The following GABRA4 variants were observed in gnomAD, a reference collection of about 807,000 sequenced individuals.
GABRA4 encodes the protein gamma-aminobutyric acid type A receptor subunit alpha4.
In GABRA4, 12 loss-of-function variants were observed where a neutral mutation model predicts 49.7. The ratio of observed to expected loss-of-function variants is 0.24; its 90% CI spans 0.15 to 0.39. The LOEUF is 0.39. Ranked by LOEUF, GABRA4 falls within the 10% of genes least tolerant of loss-of-function variation. The pLI is 1.00. For missense variants in GABRA4, 506 were observed against 686.0 expected (o/e 0.74, Z 2.93); for synonymous variants, 288 against 240.2 (o/e 1.20, Z -1.84).
chr4:46,969,927 C>T (rs1722890230), intron 7 of GABRA4, among the ~76,000 whole-genome samples: 1 of 151,398 alleles, frequency 6.6e-6, no homozygotes, highest in Non-Finnish European at 1.5e-5. Context: ...CTCCTCACTG[C>T]TTTCCTAAGA....
intron 8 of GABRA4, among the ~76,000 whole-genome samples, chr4:46,930,492 A>T (rs1401611651): frequency 1.3e-5 from 2 of 152,068 alleles, no homozygotes; most frequent in African/African-American, 4.8e-5. Flanking sequence ...TGGCAAGGAA[A>T]CATACATACA....
rs1286210695 is a variant in GABRA4, at chr4:46,925,924, G to A, written c.*2301C>T. On this transcript the variant is annotated 3_prime_UTR_variant, in exon 9 of 9. Transcript: ENST00000264318. ...GTATTTTTAAACCTTCATATGTAAA[G>A]GTAAGAAAAAAAATCATTTCTTTTT... The A allele has an allele frequency of 6.6e-6, 1 of 150,990 alleles. No individual in the cohort carries two copies. The highest frequency in any genetic ancestry group is 2.4e-5 in the African/African-American group (1 of 41,194). 9.4% of individuals were successfully genotyped at this position (150,990 alleles called of 1,614,324 possible).
chr4:46,919,615 G>A lies in GABRA4; in HGVS notation c.*8610C>T, dbSNP rs552636563. ...TATTGTTTTTTTACTTCTATAATAA[G>A]GAATATTTTCAATTGTACAACTAAA... On this transcript the variant is annotated 3_prime_UTR_variant, in exon 9 of 9. Coordinates refer to ENST00000264318, the MANE Select transcript of GABRA4 (RefSeq NM_000809.4). 4 of 151,360 alleles carry A rather than the reference G, an allele frequency of 2.6e-5. No homozygotes were observed. The South Asian group carries it at 8.3e-4, about 32-fold the overall frequency. 9.4% of individuals were successfully genotyped at this position (151,360 alleles called of 1,614,324 possible).
chr4:46,946,161 C>A (rs933224517), intron 8 of GABRA4, among the ~76,000 whole-genome samples: 4 of 152,164 alleles, frequency 2.6e-5, no homozygotes, highest in African/African-American at 7.2e-5. Context: ...TATCATTCTC[C>A]TGCTGTGACC....
chr4:46,940,286 C>T (rs1375233757), intron 8 of GABRA4, among the ~76,000 whole-genome samples: 1 of 152,016 alleles, frequency 6.6e-6, no homozygotes, highest in Non-Finnish European at 1.5e-5. Flanking sequence ...TCCTTTGGTA[C>T]ATAGGATACT....
At position 46,929,446 on chromosome 4, in the gene GABRA4, C is replaced by G. The variant is rs116008237; in HGVS notation, c.1135-691G>C. On this transcript the variant is annotated intron_variant, in intron 8 of 8. Coordinates refer to ENST00000264318, the MANE Select transcript of GABRA4 (RefSeq NM_000809.4). ...TAGACTTATAAACAGCATCAACCAA[C>G]AGTTGCATAAATATCTGAATTCAAA... 5.9e-3 allele frequency among the ~76,000 whole-genome samples: 899 copies of G among 152,104 alleles called. 8 individuals carry two copies. Among genetic ancestry groups the G allele is most frequent in the Non-Finnish European group, 8.9e-3 (604 of 67,918 alleles).
In GABRA4 at chr4:46,928,519, A is replaced by C; in HGVS notation, c.1371T>G (p.Thr457=). The change falls in exon 9 of 9, where the codon ACT becomes ACG. Residue 457 remains threonine, a synonymous_variant. Coordinates refer to ENST00000264318, the MANE Select transcript of GABRA4 (RefSeq NM_000809.4). ...GAGGCATATATCCAGTTCGGATAGA[A>C]GTAGGAGAAGCAGATGGAAGTGCTC... The part of the protein sequence containing the change: ...AARALPSASP[T]SIRTGYMPRK... 6.2e-7 allele frequency: 1 copy of C among 1,613,678 alleles called. No individual in the cohort carries two copies. The highest frequency in any genetic ancestry group is 8.5e-7 in the Non-Finnish European group (1 of 1,179,736).
At chr4:46,950,960 C>G (rs1722154572) in intron 8 of GABRA4, among the ~76,000 whole-genome samples, 2 of 151,876 alleles carry the variant, frequency 1.3e-5, no homozygotes, top group Admixed American at 6.6e-5. Context: ...ATACTGGGGC[C>G]CCAGGTATCC....
At chr4:46,976,834 A>G (rs1723154125) in intron 5 of GABRA4, among the ~76,000 whole-genome samples, 1 of 151,894 alleles carries the variant, frequency 6.6e-6, no homozygotes, top group East Asian at 1.9e-4. Context: ...GACTAAGACT[A>G]CTTAGATTAT....
chr4:46,977,399 A>C lies in GABRA4; in HGVS notation c.494+11T>G. The stretch of plus-strand genomic sequence containing the variant: ...TAAAAAAGGAAGGGAAGAAGTAAAA[A>C]AAAATATTACCTCATTGTGTATAAA... On this transcript the variant is annotated intron_variant, in intron 4 of 8. Coordinates refer to ENST00000264318, the MANE Select transcript of GABRA4 (RefSeq NM_000809.4). The C allele has an allele frequency of 2.1e-6, 3 of 1,422,110 alleles. No homozygotes were observed. The highest frequency in any genetic ancestry group is 2.9e-6 in the Non-Finnish European group (3 of 1,031,036). 88.1% of individuals were successfully genotyped at this position (1,422,110 alleles called of 1,614,324 possible).
At chr4:46,954,582 A>C (rs903074382) in intron 8 of GABRA4, among the ~76,000 whole-genome samples, 2 of 151,792 alleles carry the variant, frequency 1.3e-5, no homozygotes, top group Non-Finnish European at 2.9e-5. Flanking sequence ...AAGAGTGCAG[A>C]GCAAACTTGC....
At chr4:46,935,678 G>A (rs951256097) in intron 8 of GABRA4, among the ~76,000 whole-genome samples, 5 of 152,080 alleles carry the variant, frequency 3.3e-5, no homozygotes, top group Non-Finnish European at 5.9e-5. Context: ...TGGGGTGGGG[G>A]GCTAGGGGAG....
chr4:46,936,815 C>CT (rs1268296734), intron 8 of GABRA4, among the ~76,000 whole-genome samples: 2 of 152,120 alleles, frequency 1.3e-5, no homozygotes, highest in East Asian at 1.9e-4. Flanking sequence ...GATAGTGTCA[C>CT]TTTTTTCCCT....
At position 46,925,607 on chromosome 4, in the gene GABRA4, G is replaced by C; in HGVS notation, c.*2618C>G. On this transcript the variant is annotated 3_prime_UTR_variant, in exon 9 of 9. Transcript: ENST00000264318. ...GAAAAGTGACTGGCTCTTTGCAAAA[G>C]TGTTTTTACTTGATGTACCTCTGGG... The C allele has an allele frequency of 6.6e-6, 1 of 151,444 alleles. No individual in the cohort carries two copies. Among genetic ancestry groups the C allele is most frequent in the Non-Finnish European group, 1.5e-5 (1 of 67,714 alleles). 9.4% of individuals were successfully genotyped at this position (151,444 alleles called of 1,614,324 possible).
rs1440786351 is a variant in GABRA4 at position 46,986,284 on chromosome 4, CTCAA to C, written c.205+6540_205+6543del. Among the ~76,000 whole-genome samples, 5 of 152,154 alleles carry C rather than the reference CTCAA, an allele frequency of 3.3e-5. No homozygotes were observed. In the East Asian group the frequency reaches 5.8e-4, roughly 18 times the overall value. On this transcript the variant is annotated intron_variant, in intron 2 of 8. Coordinates refer to ENST00000264318, the MANE Select transcript of GABRA4 (RefSeq NM_000809.4). ...CTTATTCCATTCTCTCTCGAATGCA[CTCAA>C]TCAGACTTTCACACCCATCACACCA...
intron 8 of GABRA4, among the ~76,000 whole-genome samples, chr4:46,953,650 A>G (rs1722246367): frequency 6.6e-6 from 1 of 152,186 alleles, no homozygotes; most frequent in Non-Finnish European, 1.5e-5. Context: ...CATGTATTTT[A>G]TGAAAAGTAG....
chr4:46,954,658 C>CAT (rs1722281477), intron 8 of GABRA4, among the ~76,000 whole-genome samples: 1 of 151,682 alleles, frequency 6.6e-6, no homozygotes, highest in Admixed American at 6.6e-5. Context: ...TGAATTTAGA[C>CAT]ATAATCTTGC....
At chr4:46,966,453 A>C (rs1184927039) in intron 7 of GABRA4, among the ~76,000 whole-genome samples, 2 of 151,734 alleles carry the variant, frequency 1.3e-5, no homozygotes, top group Admixed American at 6.6e-5. Flanking sequence ...AGAAAATAAT[A>C]TTGTCTCCTC....
At chr4:46,983,167 T>C (rs776077418) in intron 2 of GABRA4, among the ~76,000 whole-genome samples, 1 of 152,108 alleles carries the variant, frequency 6.6e-6, no homozygotes, top group African/African-American at 2.4e-5. Flanking sequence ...CTCCAAAGCA[T>C]GTGCTAGCTT....
Sources: allele counts gnomAD v4.1 joint callset (sites outside exome capture counted in the v4.1 genomes callset), GRCh38; gene constraint gnomAD v4.1.1; transcripts MANE v1.5; gene names NCBI Gene and HGNC (gene_info 2026-07-23, HGNC 2026-07-21).